STYX: variants seen among roughly 807,000 people sequenced by gnomAD.
STYX encodes serine/threonine/tyrosine interacting protein.
In STYX, 20 loss-of-function variants were observed where a neutral mutation model predicts 42.7. The observed-to-expected ratio is 0.47, with a 90% CI of 0.33 to 0.68. The LOEUF (loss-of-function observed/expected upper bound fraction) is 0.68. Among genes scored for constraint, STYX ranks in the 30% least tolerant of loss-of-function variants. STYX has a pLI of 0.02. For missense variants in STYX, 226 were observed against 268.5 expected, an observed-to-expected ratio of 0.84 and a Z score of 1.11; for synonymous variants, 78 against 81.9, an observed-to-expected ratio of 0.95 and a Z score of 0.26.
chr14:52,741,902 AGTT>A (rs1432702671), intron 1 of STYX, among the ~76,000 whole-genome samples: 2 of 152,094 alleles, frequency 1.3e-5, no homozygotes, highest in Non-Finnish European at 2.9e-5. Flanking sequence ...AGTGTAACTC[AGTT>A]GTTTCTGCTT....
At chr14:52,741,230 A>ATAT (rs570503762) in intron 1 of STYX, among the ~76,000 whole-genome samples, 5 of 140,316 alleles carry the variant, frequency 3.6e-5, no homozygotes, top group Non-Finnish European at 6.1e-5. Context: ...ATATATATAT[A>ATAT]TTTTTTTTTT....
intron 3 of STYX, among the ~76,000 whole-genome samples, chr14:52,750,132 A>G (rs779330401): frequency 6.6e-6 from 1 of 152,174 alleles, no homozygotes; most frequent in South Asian, 2.1e-4. Context: ...TGAAGTTGCC[A>G]TTTTTAACTT....
Position 52,747,264 on chromosome 14 carries a change from C to T in STYX, c.144+785C>T, listed in dbSNP as rs377040927. 4.6e-5 allele frequency among the ~76,000 whole-genome samples: 7 copies of T among 152,194 alleles called. No individual in the cohort carries two copies. The South Asian group carries it at 1.0e-3, about 22-fold the overall frequency. On this transcript the variant is annotated intron_variant, in intron 3 of 10. Coordinates refer to ENST00000354586, the MANE Select transcript of STYX (RefSeq NM_145251.4). ...TCTAAAAGATTCAATGCTACTAATT[C>T]TCTTTGAGTTACAACGTGGAACATA... is the stretch of plus-strand genomic sequence containing the variant.
intron 4 of STYX, among the ~76,000 whole-genome samples, chr14:52,754,579 CA>C (rs1378537781): frequency 6.6e-6 from 1 of 152,072 alleles, no homozygotes; most frequent in Non-Finnish European, 1.5e-5. Flanking sequence ...ATATTTAAAT[CA>C]TCTACAGTTC....
Position 52,730,408 on chromosome 14 carries a change from C to G in STYX, c.-67C>G. 6.4e-7 allele frequency: 1 copy of G among 1,569,110 alleles called. No individual in the cohort carries two copies. Among genetic ancestry groups the G allele is most frequent in the Non-Finnish European group, 8.7e-7 (1 of 1,149,694 alleles). On this transcript the variant is annotated 5_prime_UTR_variant, in exon 1 of 11. Transcript: ENST00000354586. ...GCCCTCCTTCCTTCCGCCGCCGCAG[C>G]CAGCCCGAGGGTCGGCCGGCTGTGT...
At chr14:52,754,209 A>G (rs904344313) in intron 4 of STYX, among the ~76,000 whole-genome samples, 53 of 151,700 alleles carry the variant, frequency 3.5e-4, no homozygotes, top group Admixed American at 3.5e-3. Flanking sequence ...TAATTATGAA[A>G]GAAATACTTT....
chr14:52,758,069 A>G, intron 8 of STYX, 145 bp downstream of exon 8: 2 of 872,590 alleles, frequency 2.3e-6, no homozygotes, highest in East Asian at 5.3e-5. Flanking sequence ...TTATTCCATG[A>G]TTAGTCTTAA....
chr14:52,765,995 G>T (rs1049916585), intron 9 of STYX, among the ~76,000 whole-genome samples: 1 of 152,002 alleles, frequency 6.6e-6, no homozygotes, highest in Non-Finnish European at 1.5e-5. Flanking sequence ...GTGTATCCTG[G>T]TTTTTTATGT....
At chr14:52,760,514 G>A (rs1882050991) in intron 9 of STYX, among the ~76,000 whole-genome samples, 1 of 152,078 alleles carries the variant, frequency 6.6e-6, no homozygotes, top group Admixed American at 6.5e-5. Flanking sequence ...TATTCCAAGA[G>A]GCAAAATCAT....
intron 1 of STYX, among the ~76,000 whole-genome samples, chr14:52,737,937 G>C (rs1485841339): frequency 6.6e-6 from 1 of 152,076 alleles, no homozygotes; most frequent in Non-Finnish European, 1.5e-5. Context: ...CACCATGCCC[G>C]GCTAATTTTT....
At chr14:52,752,508 G>A (rs1881660561) in intron 4 of STYX, among the ~76,000 whole-genome samples, 1 of 151,944 alleles carries the variant, frequency 6.6e-6, no homozygotes, top group Admixed American at 6.6e-5. Flanking sequence ...TTTTTACAAT[G>A]AAACCAATCT....
chr14:52,758,962 C>T (rs891800976), intron 8 of STYX, among the ~76,000 whole-genome samples: 1 of 152,116 alleles, frequency 6.6e-6, no homozygotes, highest in Non-Finnish European at 1.5e-5. Context: ...CGAATTTTGT[C>T]AGACCATTAA....
At chr14:52,753,974 C>G (rs1293871574) in intron 4 of STYX, among the ~76,000 whole-genome samples, 2 of 146,082 alleles carry the variant, frequency 1.4e-5, no homozygotes, top group Non-Finnish European at 3.0e-5. Context: ...ACTGCAACCT[C>G]TGCCTCCCAA....
At chr14:52,737,729 A>G (rs1428370082) in intron 1 of STYX, among the ~76,000 whole-genome samples, 1 of 152,184 alleles carries the variant, frequency 6.6e-6, no homozygotes, top group African/African-American at 2.4e-5. Flanking sequence ...GATGTGTGGT[A>G]GAAGAAGACT....
chr14:52,746,516 A>G, intron 3 of STYX, 37 bp downstream of exon 3: 1 of 1,524,588 alleles, frequency 6.6e-7, no homozygotes, highest in Non-Finnish European at 8.8e-7. Context: ...AGAGACTTTT[A>G]TTAACCAACT....
In STYX at chr14:52,730,225, G is replaced by T. The variant is rs903760599; in HGVS notation, c.-250G>T. 1.1e-5 allele frequency: 6 copies of T among 567,134 alleles called. No homozygotes were observed. Among genetic ancestry groups the T allele is most frequent in the South Asian group, 2.1e-5 (1 of 48,264 alleles). 35.1% of individuals were successfully genotyped at this position (567,134 alleles called of 1,614,324 possible). A position where few individuals can be genotyped will look rare whatever the true frequency, so the allele number is the denominator to read the frequency against. ...CGGCCTGAGGGGTACGGAGACTCTG[G>T]GGGAGGGAGACGGCAGCGGCATGGC... is the stretch of plus-strand genomic sequence containing the variant. On this transcript the variant is annotated 5_prime_UTR_variant, in exon 1 of 11. Transcript: ENST00000354586.
chr14:52,733,169 C>G (rs1357255235), intron 1 of STYX, among the ~76,000 whole-genome samples: 1 of 152,172 alleles, frequency 6.6e-6, no homozygotes, highest in Non-Finnish European at 1.5e-5. Context: ...TTTTAATACA[C>G]TTCAATTCTT....
chr14:52,757,472 C>G, intron 6 of STYX, 117 bp downstream of exon 6: 1 of 967,110 alleles, frequency 1.0e-6, no homozygotes, highest in Non-Finnish European at 1.6e-6. Flanking sequence ...TAGTAGCTTA[C>G]TCCCAAATTT....
At chr14:52,738,348 CAT>C (rs950258334) in intron 1 of STYX, among the ~76,000 whole-genome samples, 7 of 151,358 alleles carry the variant, frequency 4.6e-5, no homozygotes, top group South Asian at 4.2e-4. Flanking sequence ...TAATATCTTC[CAT>C]ATATATATAT....
Sources: gnomAD v4.1 joint callset for allele counts (sites outside exome capture counted in the v4.1 genomes callset) on GRCh38, gnomAD v4.1.1 for gene constraint, MANE v1.5 for transcripts, NCBI Gene and HGNC (gene_info 2026-07-23, HGNC 2026-07-21) for gene names.